NHSL2: variants seen among roughly 807,000 people sequenced by gnomAD.
NHSL2 encodes the protein NHS-like protein 2.
A neutral mutation model predicts 53.4 loss-of-function variants in NHSL2; 27 were observed. The observed-to-expected ratio is 0.51, with a 90% CI of 0.37 to 0.70. The LOEUF (loss-of-function observed/expected upper bound fraction) is 0.70. Among genes scored for constraint, NHSL2 ranks in the 30% least tolerant of loss-of-function variants. The probability of loss-of-function intolerance (pLI) is 0.00; values close to 1 mark genes in which losing one functional copy is unlikely to be tolerated. For missense variants in NHSL2, 892 were observed against 980.1 expected (o/e 0.91, Z 1.20); for synonymous variants, 408 against 404.1 (o/e 1.01, Z -0.12).
chrX:72,134,412 C>G, intron 3 of NHSL2, 97 bp from the exon 4 acceptor site: 1 of 864,712 alleles, frequency 1.2e-6, no homozygotes, highest in East Asian at 3.4e-5. Flanking sequence ...GCCTCCCAGA[C>G]GAAGCCTCCA....
At chrX:72,048,983 G>GAA (rs2042321368) in intron 1 of NHSL2, among the ~76,000 whole-genome samples, 1 of 88,748 alleles carries the variant, frequency 1.1e-5, no homozygotes, top group African/African-American at 4.0e-5. Context: ...AGGAGAAGAA[G>GAA]GAGGAGAAGA....
chrX:71,947,971 A>C (rs2041801068), intron 1 of NHSL2, among the ~76,000 whole-genome samples: 1 of 111,249 alleles, frequency 9.0e-6, no homozygotes, highest in Admixed American at 9.5e-5. Flanking sequence ...GGGTGCACCA[A>C]AATCTCAGAA....
intron 1 of NHSL2, among the ~76,000 whole-genome samples, chrX:71,949,054 G>C (rs886558462): frequency 1.4e-4 from 15 of 109,445 alleles, no homozygotes; most frequent in African/African-American, 4.0e-4. Flanking sequence ...CACCGTGCCC[G>C]GCCGATGTAG....
chrX:72,137,307 A>G (rs1273737415), intron 5 of NHSL2, 82 bp downstream of exon 5: 7 of 962,481 alleles, frequency 7.3e-6, no homozygotes, highest in Non-Finnish European at 9.9e-6. Flanking sequence ...TACTGTGGTG[A>G]TGGGGAACAG....
At chrX:72,135,051 C>T (rs1248158291) in intron 4 of NHSL2, among the ~76,000 whole-genome samples, 1 of 112,192 alleles carries the variant, frequency 8.9e-6, no homozygotes, top group Non-Finnish European at 1.9e-5. Context: ...GGCAAGACAA[C>T]TTCTTGTGCC....
rs1197746731 is a variant in NHSL2, at chrX:72,012,474, G to A, written c.280+101107G>A. 2.0e-4 allele frequency among the ~76,000 whole-genome samples: 22 copies of A among 112,343 alleles called. No homozygotes were observed. In the Admixed American group the frequency reaches 2.1e-3, roughly 11 times the overall value. On this transcript the variant is annotated intron_variant, in intron 1 of 7. Transcript: ENST00000633930. Reference sequence around the variant, plus strand: ...AGAGGATCCTTCCTTGTCTAGTCCCGCTTCTGCGGGCTGCCAATACTCCTT... The same window carrying A: ...AGAGGATCCTTCCTTGTCTAGTCCCACTTCTGCGGGCTGCCAATACTCCTT...
At chrX:71,949,057 C>T (rs1008932535) in intron 1 of NHSL2, among the ~76,000 whole-genome samples, 18 of 109,344 alleles carry the variant, frequency 1.6e-4, no homozygotes, top group Non-Finnish European at 3.0e-4. Flanking sequence ...CGTGCCCGGC[C>T]GATGTAGTTT....
chrX:71,995,943 G>A (rs1298696610), intron 1 of NHSL2, among the ~76,000 whole-genome samples: 1 of 111,550 alleles, frequency 9.0e-6, no homozygotes, highest in Non-Finnish European at 1.9e-5. Flanking sequence ...GTGGGGATCG[G>A]TGAGGTTGTC....
intron 1 of NHSL2, among the ~76,000 whole-genome samples, chrX:72,004,857 T>A (rs998496465): frequency 9.2e-6 from 1 of 108,519 alleles, no homozygotes; most frequent in Non-Finnish European, 1.9e-5. Context: ...TTATGTGCTA[T>A]CCAAGTGTTG....
intron 1 of NHSL2, among the ~76,000 whole-genome samples, chrX:72,095,120 C>T (rs1462840267): frequency 8.9e-6 from 1 of 112,028 alleles, no homozygotes; most frequent in Non-Finnish European, 1.9e-5. Context: ...GGTTCCCAAG[C>T]ACTTTTGCTT....
rs182210189 is a variant in NHSL2 at position 71,971,554 on chromosome X, C to A, written c.280+60187C>A. ...GTCATTTCCTTATTCCAGTGCAGCT[C>A]TGTTCCCAACAACCTCCTTTACCCT... On this transcript the variant is annotated intron_variant, in intron 1 of 7. Coordinates refer to ENST00000633930, the MANE Select transcript of NHSL2 (RefSeq NM_001013627.3). Among the ~76,000 whole-genome samples, 189 of 111,847 alleles carry A rather than the reference C, an allele frequency of 1.7e-3. No individual in the cohort carries two copies. The Admixed American group carries it at 0.018, about 11-fold the overall frequency.
intron 1 of NHSL2, among the ~76,000 whole-genome samples, chrX:71,928,060 T>C (rs1569463483): frequency 8.8e-6 from 1 of 112,996 alleles, no homozygotes; most frequent in South Asian, 3.6e-4. Flanking sequence ...ACTTTACTTG[T>C]ATTTGCTTCT....
intron 1 of NHSL2, among the ~76,000 whole-genome samples, chrX:72,004,685 C>T (rs775671508): frequency 1.9e-4 from 21 of 109,162 alleles, no homozygotes; most frequent in African/African-American, 7.0e-4. Flanking sequence ...CCTACCGCCC[C>T]GCCCCAGTCC....
intron 5 of NHSL2, 29 bp downstream of exon 5, chrX:72,137,254 C>G (rs1442748469): frequency 1.1e-5 from 12 of 1,139,686 alleles, no homozygotes; most frequent in Non-Finnish European, 1.4e-5. Flanking sequence ...ATTCCCCAGT[C>G]CCTTCCCCTT....
chrX:71,963,526 T>C (rs1456514634), intron 1 of NHSL2, among the ~76,000 whole-genome samples: 1 of 111,130 alleles, frequency 9.0e-6, no homozygotes, highest in Admixed American at 9.6e-5. Flanking sequence ...TGTAACAGTA[T>C]AACTACATGC....
intron 1 of NHSL2, among the ~76,000 whole-genome samples, chrX:72,065,806 A>C (rs1350241952): frequency 6.3e-5 from 7 of 111,976 alleles, no homozygotes; most frequent in African/African-American, 2.0e-4. Flanking sequence ...TCTGACCACA[A>C]AGCTTTTCCC....
At chrX:71,953,956 C>T (rs2041831562) in intron 1 of NHSL2, among the ~76,000 whole-genome samples, 1 of 112,182 alleles carries the variant, frequency 8.9e-6, no homozygotes, top group African/African-American at 3.2e-5. Context: ...AATCTTTTCT[C>T]GTTTTGCTCC....
At chrX:71,964,000 C>CATATAT (rs1491526328) in intron 1 of NHSL2, among the ~76,000 whole-genome samples, 2 of 31,442 alleles carry the variant, frequency 6.4e-5, no homozygotes, top group Non-Finnish European at 1.1e-4. Flanking sequence ...TATGTATATA[C>CATATAT]ATATATATAT....
chrX:71,923,195 G>A (rs1170369414), intron 1 of NHSL2, among the ~76,000 whole-genome samples: 1 of 111,562 alleles, frequency 9.0e-6, no homozygotes, highest in Admixed American at 9.5e-5. Flanking sequence ...TCCAGGTAGA[G>A]GGATGGCAAA....
Sources: gnomAD v4.1 joint callset for allele counts (sites outside exome capture counted in the v4.1 genomes callset) on GRCh38, gnomAD v4.1.1 for gene constraint, MANE v1.5 for transcripts, NCBI Gene and HGNC (gene_info 2026-07-23, HGNC 2026-07-21) for gene names.